The following FBXL2 variants were observed in gnomAD, a reference collection of about 807,000 sequenced individuals.
FBXL2 encodes the protein F-box/LRR-repeat protein 2.
A neutral mutation model predicts 69.2 loss-of-function variants in FBXL2; 38 were observed. The ratio of observed to expected loss-of-function variants is 0.55; its 90% CI spans 0.42 to 0.72. The LOEUF is 0.72. FBXL2 is among the 30% of genes least tolerant of loss of function. The probability of loss-of-function intolerance (pLI) is 0.00; values close to 1 mark genes in which losing one functional copy is unlikely to be tolerated. For missense variants in FBXL2, 354 were observed against 520.3 expected (o/e 0.68, Z 3.11); for synonymous variants, 192 against 201.3 (o/e 0.95, Z 0.39).
At chr3:33,369,050 T>C (rs1162159201) in intron 5 of FBXL2, among the ~76,000 whole-genome samples, 1 of 140,944 alleles carries the variant, frequency 7.1e-6, no homozygotes, top group African/African-American at 2.7e-5. Context: ...TTCTTTCTTC[T>C]TTTAGATTTT....
chr3:33,367,378 G>A (rs140148313), intron 5 of FBXL2, among the ~76,000 whole-genome samples: 134 of 152,124 alleles, frequency 8.8e-4, no homozygotes, highest in African/African-American at 3.0e-3. Flanking sequence ...CACCGCACCC[G>A]GCCTCAATTT....
In FBXL2 at chr3:33,285,844, G is replaced by C. The variant is rs189198060; in HGVS notation, c.3+8329G>C. ...TTGATCAAATCGGCTACTGAAGCTTGTGCATGCATCACGTGGTTCTCATGC... is the reference window on the plus strand; with the variant it reads ...TTGATCAAATCGGCTACTGAAGCTTCTGCATGCATCACGTGGTTCTCATGC... On this transcript the variant is annotated intron_variant, in intron 1 of 14. Transcript: ENST00000484457. 5.3e-5 allele frequency among the ~76,000 whole-genome samples: 8 copies of C among 152,170 alleles called. 1 individual carries two copies. The highest frequency in any genetic ancestry group is 1.7e-4 in the African/African-American group (7 of 41,518).
At chr3:33,327,824 G>T (rs926794484) in intron 2 of FBXL2, among the ~76,000 whole-genome samples, 1 of 152,086 alleles carries the variant, frequency 6.6e-6, no homozygotes, top group Non-Finnish European at 1.5e-5. Context: ...TATTCAGCAT[G>T]ATACTAGAAA....
intron 2 of FBXL2, among the ~76,000 whole-genome samples, chr3:33,329,679 G>A (rs921659554): frequency 6.6e-6 from 1 of 152,186 alleles, no homozygotes; most frequent in Non-Finnish European, 1.5e-5. Context: ...AATATTGCAT[G>A]TTCTCACTCA....
chr3:33,411,013 C>T, the FBXL2 span, among the ~76,000 whole-genome samples: 1 of 149,216 alleles, frequency 6.7e-6, no homozygotes, highest in Non-Finnish European at 1.5e-5. Flanking sequence ...GCGGAGATTG[C>T]AGTGAGCCGA....
chr3:33,329,051 A>G (rs2038948737), intron 2 of FBXL2, among the ~76,000 whole-genome samples: 1 of 152,096 alleles, frequency 6.6e-6, no homozygotes, highest in Non-Finnish European at 1.5e-5. Flanking sequence ...AACAAAACAA[A>G]ACAAACACCT....
intron 11 of FBXL2, 150 bp downstream of exon 11, chr3:33,377,483 T>C: frequency 1.4e-6 from 1 of 722,472 alleles, no homozygotes; most frequent in South Asian, 1.7e-5. Flanking sequence ...ACTGCAGTTT[T>C]TCCAGTTAGC....
chr3:33,375,312 C>T lies in FBXL2; in HGVS notation c.682C>T (p.Gln228Ter). 6.2e-7 allele frequency: 1 copy of T among 1,614,120 alleles called. No individual in the cohort carries two copies. Among genetic ancestry groups the T allele is most frequent in the Non-Finnish European group, 8.5e-7 (1 of 1,179,974 alleles). ...GCGTATCACGGATGAAGGTGTGGTG[C>T]AGATATGCAGGGGCTGTCACCGGCT... is the stretch of plus-strand genomic sequence containing the variant. ...CSRITDEGVV[Q>*]ICRGCHRLQA... Residue 228 changes from glutamine (Q) to a stop codon, truncating the protein, a stop_gained, in exon 10 of 15, where the codon CAG becomes TAG. Coordinates refer to ENST00000484457, the MANE Select transcript of FBXL2 (RefSeq NM_012157.5). LOFTEE classifies it high-confidence loss of function.
chr3:33,392,502 T>TA, downstream of FBXL2: 1 of 1,434,170 alleles, frequency 7.0e-7, no homozygotes, highest in Non-Finnish European at 9.6e-7. Flanking sequence ...AGGCACTAAT[T>TA]AGAGGCACAC....
At chr3:33,316,649 C>T (rs764059060) in intron 2 of FBXL2, among the ~76,000 whole-genome samples, 2 of 152,142 alleles carry the variant, frequency 1.3e-5, no homozygotes, top group African/African-American at 2.4e-5. Context: ...TGGCTCCCTC[C>T]TGCATAGACA....
chr3:33,394,218 A>G (rs1223003153), intron 12 of FBXL2, among the ~76,000 whole-genome samples: 1 of 148,916 alleles, frequency 6.7e-6, no homozygotes, highest in East Asian at 2.0e-4. Context: ...TATTATTATT[A>G]TTATTATTTG....
At chr3:33,395,947 G>A (rs2043975392) in intron 12 of FBXL2, among the ~76,000 whole-genome samples, 1 of 151,696 alleles carries the variant, frequency 6.6e-6, no homozygotes, top group Non-Finnish European at 1.5e-5. Context: ...CAGACCCATA[G>A]TGTGGCTGCA....
chr3:33,305,203 G>A (rs2036608641), intron 2 of FBXL2, among the ~76,000 whole-genome samples: 1 of 151,728 alleles, frequency 6.6e-6, no homozygotes, highest in South Asian at 2.1e-4. Flanking sequence ...TTACCCTGAA[G>A]ACAAAGAGAT....
intron 2 of FBXL2, among the ~76,000 whole-genome samples, chr3:33,325,465 C>T (rs1005201333): frequency 6.6e-6 from 1 of 152,164 alleles, no homozygotes; most frequent in Non-Finnish European, 1.5e-5. Flanking sequence ...AGGTACGTTC[C>T]ATCATTACCT....
chr3:33,396,476 G>C (rs1472470374), intron 12 of FBXL2: 1 of 508,032 alleles, frequency 2.0e-6, no homozygotes, highest in Non-Finnish European at 3.5e-6. Context: ...GGTCTAATAT[G>C]ATGATCCAGA....
At chr3:33,328,086 A>G (rs1559548502) in intron 2 of FBXL2, among the ~76,000 whole-genome samples, 1 of 152,050 alleles carries the variant, frequency 6.6e-6, no homozygotes, top group Admixed American at 6.6e-5. Flanking sequence ...CACTGAAAAA[A>G]GCAATCCCAT....
chr3:33,414,096 A>AAAG, the FBXL2 span: 57,109 of 151,816 alleles, frequency 0.38, 11,639 homozygotes, highest in East Asian at 0.6. Context: ...CTAAAATACT[A>AAAG]AAGATAAAAG....
chr3:33,405,411 G>A (rs909471964), downstream of FBXL2, among the ~76,000 whole-genome samples: 46 of 152,112 alleles, frequency 3.0e-4, no homozygotes, highest in Admixed American at 1.8e-3. Context: ...AATTGTAAAC[G>A]CAAATCACCA....
intron 1 of FBXL2, among the ~76,000 whole-genome samples, chr3:33,278,962 T>C (rs2033647731): frequency 6.6e-6 from 1 of 152,224 alleles, no homozygotes; most frequent in Admixed American, 6.5e-5. Flanking sequence ...ATTCCTCCTG[T>C]CATCCATTTT....
Sources: allele counts gnomAD v4.1 joint callset (sites outside exome capture counted in the v4.1 genomes callset), GRCh38; gene constraint gnomAD v4.1.1; transcripts MANE v1.5; gene names NCBI Gene and HGNC (gene_info 2026-07-23, HGNC 2026-07-21).